The following DNAH12 variants were observed in gnomAD, a reference collection of about 807,000 sequenced individuals.
DNAH12 encodes the protein dynein axonemal heavy chain 12, also known as axonemal beta dynein heavy chain 12.
In DNAH12, 285 loss-of-function variants were observed where a neutral mutation model predicts 371.5. The ratio of observed to expected loss-of-function variants is 0.77; its 90% CI spans 0.70 to 0.85. DNAH12 has a LOEUF of 0.85. Ranked by LOEUF, DNAH12 falls within the 40% of genes least tolerant of loss-of-function variation. The pLI is 0.00. For synonymous variants in DNAH12, 1,200 were observed against 1,213.0 expected (o/e 0.99, Z 0.22); for missense variants, 3,611 against 3,689.4 (o/e 0.98, Z 0.55).
intron 19 of DNAH12, among the ~76,000 whole-genome samples, 168 bp from the exon 20 acceptor site, chr3:57,459,954 G>T (rs1215903141): frequency 2.0e-5 from 3 of 151,828 alleles, no homozygotes; most frequent in Non-Finnish European, 2.9e-5. Flanking sequence ...ATTCTAAGAG[G>T]TCTGAAGTTT....
In DNAH12 at chr3:57,323,539, C is replaced by T. The variant is rs751401968; in HGVS notation, c.10059G>A (p.Lys3353=). The T allele has an allele frequency of 7.1e-6, 11 of 1,550,842 alleles. No individual in the cohort carries two copies. The South Asian group carries it at 1.2e-4, about 17-fold the overall frequency. ...FVEPPPFDLT[K]SYLDSNCTIP... is the part of the protein sequence containing the mutation. The stretch of plus-strand genomic sequence containing the variant: ...TGGTGCAATTTGAATCCAAGTAACT[C>T]TTTGTCAAATCAAATGGTGGAGGCT... Residue 3353 remains lysine, a synonymous_variant, in exon 63 of 74, where the codon AAG becomes AAA. Coordinates refer to ENST00000495027, the MANE Select transcript of DNAH12 (RefSeq NM_001366028.2).
chr3:57,354,836 C>T (rs2062760930), intron 59 of DNAH12, among the ~76,000 whole-genome samples: 1 of 152,014 alleles, frequency 6.6e-6, no homozygotes, highest in Non-Finnish European at 1.5e-5. Context: ...TGAACAAATC[C>T]CTGGAGAATT....
chr3:57,369,226 A>ATATAT lies in DNAH12; in HGVS notation c.8760-967_8760-966insATATA, dbSNP rs1248314277. Among the ~76,000 whole-genome samples, 6 of 73,734 alleles carry ATATAT rather than the reference A, an allele frequency of 8.1e-5. No individual in the cohort carries two copies. The Admixed American group carries it at 8.7e-4, about 11-fold the overall frequency. The allele number at this position is 73,734 out of a possible 152,430, so 48.4% of individuals were successfully genotyped here. On this transcript the variant is annotated intron_variant, in intron 55 of 73. Transcript: ENST00000495027. ...CAAAGATTGAAACTCCATTAAAAAA[A>ATATAT]AAATATATATATATATATATATAAA...
At chr3:57,422,384 C>A (rs1353474560) in intron 35 of DNAH12, among the ~76,000 whole-genome samples, 9 of 152,086 alleles carry the variant, frequency 5.9e-5, no homozygotes, top group Non-Finnish European at 1.3e-4. Context: ...CCCACCACCA[C>A]GGGGTTTCAC....
chr3:57,306,857 C>T (rs544132430), intron 69 of DNAH12, among the ~76,000 whole-genome samples: 82 of 152,218 alleles, frequency 5.4e-4, no homozygotes, highest in African/African-American at 1.9e-3. Flanking sequence ...GCCTATCCAC[C>T]CCGTGGTGCC....
chr3:57,335,334 A>C (rs546380515), intron 60 of DNAH12, among the ~76,000 whole-genome samples: 1 of 152,288 alleles, frequency 6.6e-6, no homozygotes, highest in South Asian at 2.1e-4. Context: ...AGGTGACTGG[A>C]GTTTGTGAGC....
At position 57,371,788 on chromosome 3, in the gene DNAH12, A is replaced by C. The variant is rs949406780; in HGVS notation, c.8760-3528T>G. On this transcript the variant is annotated intron_variant, in intron 55 of 73. Coordinates refer to ENST00000495027, the MANE Select transcript of DNAH12 (RefSeq NM_001366028.2). ...CCAGAGGGAAAAAAAGATACATTACATAAAGAGGAACTAAAGTAAGACTTA... is the reference window on the plus strand; with the variant it reads ...CCAGAGGGAAAAAAAGATACATTACCTAAAGAGGAACTAAAGTAAGACTTA... 3.3e-5 allele frequency among the ~76,000 whole-genome samples: 5 copies of C among 151,328 alleles called. No individual in the cohort carries two copies. The East Asian group carries it at 9.7e-4, about 29-fold the overall frequency.
At chr3:57,433,918 T>TA in intron 30 of DNAH12, 90 bp from the exon 31 acceptor site, 1 of 1,103,060 alleles carries the variant, frequency 9.1e-7, no homozygotes, top group East Asian at 3.0e-5. Context: ...CTGTGATAAT[T>TA]ACTACTTATA....
At position 57,310,819 on chromosome 3, in the gene DNAH12, A is replaced by G. The variant is rs2107678808; in HGVS notation, c.10794T>C (p.Tyr3598=). 1 of 1,551,662 alleles carries G rather than the reference A, an allele frequency of 6.4e-7. No homozygotes were observed. The highest frequency in any genetic ancestry group is 8.7e-7 in the Non-Finnish European group (1 of 1,146,970). ...GAGGGTTTTCAACTATGTACAGATT[A>G]TAAAAGTCAGCCAGCATGGTTAATA... ...RLLLTMLADF[Y]NLYIVENPHY... The change falls in exon 67 of 74, where the codon TAT becomes TAC. Residue 3598 remains tyrosine, a synonymous_variant. Coordinates refer to ENST00000495027, the MANE Select transcript of DNAH12 (RefSeq NM_001366028.2).
Position 57,293,734 on chromosome 3 carries a change from G to T in DNAH12, c.*47C>A. On this transcript the variant is annotated 3_prime_UTR_variant, in exon 74 of 74. Coordinates refer to ENST00000495027, the MANE Select transcript of DNAH12 (RefSeq NM_001366028.2). ...TAATGTATATATTTTAAGTAGGACAGGTTTTTTTTTTTTTAAACTTTTGGA... is the reference window on the plus strand; with the variant it reads ...TAATGTATATATTTTAAGTAGGACATGTTTTTTTTTTTTTAAACTTTTGGA... 1 of 1,410,784 alleles carries T rather than the reference G, an allele frequency of 7.1e-7. No homozygotes were observed. 87.4% of individuals were successfully genotyped at this position (1,410,784 alleles called of 1,614,324 possible). A position where few individuals can be genotyped will look rare whatever the true frequency, so the allele number is the denominator to read the frequency against.
rs149130315 is a variant in DNAH12, at chr3:57,482,977, C to T, written c.1650+399G>A. Among the ~76,000 whole-genome samples, 1,070 of 150,600 alleles carry T rather than the reference C, an allele frequency of 7.1e-3. 7 individuals carry two copies. The highest frequency in any genetic ancestry group is 0.01 in the Non-Finnish European group (700 of 67,822). ...TAGGAGATATACCTATGTTAAATGACGAGTTAATGGGTGCAGCACACCAAC... is the reference window on the plus strand; with the variant it reads ...TAGGAGATATACCTATGTTAAATGATGAGTTAATGGGTGCAGCACACCAAC... On this transcript the variant is annotated intron_variant, in intron 13 of 73. Transcript: ENST00000495027.
intron 18 of DNAH12, among the ~76,000 whole-genome samples, chr3:57,462,339 C>A (rs2066078640): frequency 6.6e-6 from 1 of 152,148 alleles, no homozygotes; most frequent in South Asian, 2.1e-4. Context: ...GCAACCTCCA[C>A]CTCCCGGGTT....
chr3:57,552,231 C>A, the DNAH12 span, among the ~76,000 whole-genome samples: 1 of 137,416 alleles, frequency 7.3e-6, no homozygotes, highest in Non-Finnish European at 1.6e-5. Flanking sequence ...GGCGACAGAG[C>A]AAGACTCCAT....
At chr3:57,425,235 T>C (rs1053605041) in intron 34 of DNAH12, 94 bp from the exon 35 acceptor site, 3 of 642,150 alleles carry the variant, frequency 4.7e-6, no homozygotes, top group Middle Eastern at 2.9e-4. Context: ...AAAGCATACA[T>C]GGTTTTAATA....
At chr3:57,554,782 AT>A in the DNAH12 span, among the ~76,000 whole-genome samples, 1 of 151,518 alleles carries the variant, frequency 6.6e-6, no homozygotes. Context: ...TGCCCAGCTA[AT>A]TTTTTGTATT....
chr3:57,445,500 G>T, intron 27 of DNAH12, 81 bp from the exon 28 acceptor site: 1 of 1,201,932 alleles, frequency 8.3e-7, no homozygotes, highest in Non-Finnish European at 1.1e-6. Flanking sequence ...CAAAGGTGTG[G>T]TGTTGTCAAG....
At chr3:57,481,619 T>C (rs1322578042) in intron 13 of DNAH12, among the ~76,000 whole-genome samples, 2 of 152,090 alleles carry the variant, frequency 1.3e-5, no homozygotes, top group Non-Finnish European at 2.9e-5. Flanking sequence ...CCAAGTCAAT[T>C]CTAAGCCAAA....
intron 2 of DNAH12, among the ~76,000 whole-genome samples, chr3:57,540,717 C>T (rs958182927): frequency 6.6e-6 from 1 of 151,960 alleles, no homozygotes; most frequent in Non-Finnish European, 1.5e-5. Flanking sequence ...ATCACTTAAG[C>T]CCAGGAATTT....
At position 57,461,377 on chromosome 3, in the gene DNAH12, A is replaced by T. The variant is rs148480545; in HGVS notation, c.2736+112T>A. On this transcript the variant is annotated intron_variant, in intron 19 of 73. Coordinates refer to ENST00000495027, the MANE Select transcript of DNAH12 (RefSeq NM_001366028.2). Reference sequence around the variant, plus strand: ...ATCAAAGTTATAGGTCTATGATTTGAATAAACACTTAAAAAACCATCCAAT... The same window carrying T: ...ATCAAAGTTATAGGTCTATGATTTGTATAAACACTTAAAAAACCATCCAAT... 689 of 944,558 alleles carry T rather than the reference A, an allele frequency of 7.3e-4. 3 individuals carry two copies. The African/African-American group carries it at 0.01, about 14-fold the overall frequency. The allele number at this position is 944,558 out of a possible 1,614,324, so 58.5% of individuals were successfully genotyped here. A position where few individuals can be genotyped will look rare whatever the true frequency, so the allele number is the denominator to read the frequency against.
Sources: gnomAD v4.1 joint callset for allele counts (sites outside exome capture counted in the v4.1 genomes callset) on GRCh38, gnomAD v4.1.1 for gene constraint, MANE v1.5 for transcripts, NCBI Gene and HGNC (gene_info 2026-07-23, HGNC 2026-07-21) for gene names.